CSMD3: variants seen among roughly 807,000 people sequenced by gnomAD.
The protein encoded by CSMD3 is CUB and Sushi multiple domains 3.
A neutral mutation model predicts 435.2 loss-of-function variants in CSMD3; 177 were observed. The observed-to-expected ratio is 0.41, with a 90% CI of 0.36 to 0.46. The LOEUF (loss-of-function observed/expected upper bound fraction) is 0.46. Ranked by LOEUF, CSMD3 falls within the 20% of genes least tolerant of loss-of-function variation. The pLI is 0.34. For missense variants in CSMD3, 4,265 were observed against 4,504.6 expected (o/e 0.95, Z 1.52); for synonymous variants, 1,656 against 1,520.5 (o/e 1.09, Z -2.07).
At chr8:113,132,518 G>T (rs58183305) in intron 4 of CSMD3, among the ~76,000 whole-genome samples, 1 of 151,960 alleles carries the variant, frequency 6.6e-6, no homozygotes, top group East Asian at 1.9e-4. Flanking sequence ...GCTCCACCAC[G>T]CTAAGATGTA....
intron 3 of CSMD3, among the ~76,000 whole-genome samples, chr8:113,184,220 G>T (rs772350048): frequency 1.3e-5 from 2 of 151,974 alleles, no homozygotes; most frequent in Non-Finnish European, 2.9e-5. Context: ...CTCCCTGGAA[G>T]TGCCACCCTT....
intron 10 of CSMD3, among the ~76,000 whole-genome samples, chr8:112,905,695 G>C (rs1214577380): frequency 1.3e-5 from 2 of 151,300 alleles, no homozygotes; most frequent in Admixed American, 1.3e-4. Context: ...TCCGATACTT[G>C]GTCCTATCCC....
At chr8:113,127,080 T>C (rs113883454) in intron 4 of CSMD3, among the ~76,000 whole-genome samples, 1 of 152,020 alleles carries the variant, frequency 6.6e-6, no homozygotes, top group African/African-American at 2.4e-5. Flanking sequence ...TACTAATATA[T>C]AAATTTATAT....
chr8:112,701,481 A>G (rs575377305), intron 13 of CSMD3, among the ~76,000 whole-genome samples: 2 of 152,122 alleles, frequency 1.3e-5, no homozygotes, highest in Admixed American at 1.3e-4. Flanking sequence ...CTATTGTCCC[A>G]TGATAATCGA....
chr8:113,085,500 C>A (rs2089730209), intron 5 of CSMD3, among the ~76,000 whole-genome samples: 1 of 152,058 alleles, frequency 6.6e-6, no homozygotes. Context: ...CAGCACTATT[C>A]ACAGTAACTA....
At chr8:112,513,479 G>A (rs953934517) in intron 28 of CSMD3, among the ~76,000 whole-genome samples, 2 of 152,102 alleles carry the variant, frequency 1.3e-5, no homozygotes, top group Non-Finnish European at 2.9e-5. Context: ...TCCTACATGG[G>A]CATTTGTTTG....
chr8:113,018,936 A>G (rs2086577425), intron 6 of CSMD3, 131 bp downstream of exon 6: 1 of 711,118 alleles, frequency 1.4e-6, no homozygotes, highest in Non-Finnish European at 2.6e-6. Flanking sequence ...TCTCAGCAAC[A>G]GCATGACCAT....
intron 59 of CSMD3, among the ~76,000 whole-genome samples, chr8:112,274,081 G>T (rs1734056253): frequency 6.6e-6 from 1 of 152,024 alleles, no homozygotes; most frequent in African/African-American, 2.4e-5. Flanking sequence ...GCTACGGTGG[G>T]ATAGTGTTAA....
intron 6 of CSMD3, among the ~76,000 whole-genome samples, chr8:112,977,882 T>A (rs2084912077): frequency 6.6e-6 from 1 of 152,042 alleles, no homozygotes; most frequent in Non-Finnish European, 1.5e-5. Context: ...AGCTAATATT[T>A]GATAATAATT....
chr8:112,975,841 A>C lies in CSMD3; in HGVS notation c.1338T>G (p.His446Gln), dbSNP rs753839259. ...ERTKELAVVT[H>Q]RVKKAIDFKS... ...AAGTAAAATAACATCCAATACCTCT[A>C]TGAGTAACAACTGCAAGCTCTTTAG... The change falls in exon 7 of 71, where the codon CAT becomes CAG. Residue 446 changes from histidine (H) to glutamine (Q), a missense_variant. Coordinates refer to ENST00000297405, the MANE Select transcript of CSMD3 (RefSeq NM_198123.2). The C allele has an allele frequency of 6.8e-6, 11 of 1,612,946 alleles. No individual in the cohort carries two copies. In the South Asian group the frequency reaches 1.2e-4, roughly 18 times the overall value.
In CSMD3 at chr8:112,224,853, A is replaced by G. The variant is rs752962719; in HGVS notation, c.11042T>C (p.Met3681Thr). The G allele has an allele frequency of 8.7e-6, 14 of 1,613,966 alleles. No individual in the cohort carries two copies. The highest frequency in any genetic ancestry group is 2.7e-5 in the African/African-American group (2 of 74,922). The change falls in exon 71 of 71, where the codon ATG becomes ACG. Residue 3681 changes from methionine to threonine, a missense_variant. Physicochemically the swap from Met to Thr is moderately conservative, Grantham distance 81 (BLOSUM62 -1). Coordinates refer to ENST00000297405, the MANE Select transcript of CSMD3 (RefSeq NM_198123.2). ...CACTGACTTTGCGTTGGTGTCATAC[A>G]TGGGATTTTCAAAAGCTGCTTGGCC... ...NNGQAAFENP[M>T]YDTNAKSVEG...
chr8:112,278,905 T>C (rs1036896779), intron 59 of CSMD3, among the ~76,000 whole-genome samples: 2 of 151,974 alleles, frequency 1.3e-5, no homozygotes, highest in African/African-American at 2.4e-5. Context: ...ACCCCCAACA[T>C]TTAAAATAAT....
At chr8:112,524,173 C>A (rs762608529) in intron 27 of CSMD3, among the ~76,000 whole-genome samples, 1 of 151,848 alleles carries the variant, frequency 6.6e-6, no homozygotes, top group Middle Eastern at 3.4e-3. Context: ...CATATCATAT[C>A]ATATACAGTC....
chr8:113,196,981 CTTGTT>C (rs2092663873), intron 3 of CSMD3, among the ~76,000 whole-genome samples: 1 of 150,908 alleles, frequency 6.6e-6, no homozygotes, highest in Admixed American at 6.6e-5. Flanking sequence ...AATTTTCTTA[CTTGTT>C]TTATTAAGGC....
intron 13 of CSMD3, among the ~76,000 whole-genome samples, chr8:112,747,852 A>G (rs2077471256): frequency 6.6e-6 from 1 of 151,312 alleles, no homozygotes; most frequent in African/African-American, 2.4e-5. Flanking sequence ...AGTCCCAGCT[A>G]CTCGGGAGGC....
intron 35 of CSMD3, among the ~76,000 whole-genome samples, chr8:112,396,003 T>C (rs1830829549): frequency 6.6e-6 from 1 of 152,210 alleles, no homozygotes; most frequent in Non-Finnish European, 1.5e-5. Context: ...AGTTTGTGAA[T>C]CTTCTAATTT....
At chr8:113,165,761 A>C (rs189635485) in intron 4 of CSMD3, among the ~76,000 whole-genome samples, 2 of 152,254 alleles carry the variant, frequency 1.3e-5, no homozygotes, top group East Asian at 3.9e-4. Context: ...GGAATAAAAA[A>C]CTTGAACAAT....
intron 35 of CSMD3, among the ~76,000 whole-genome samples, 197 bp downstream of exon 35, chr8:112,406,327 A>AT (rs944556850): frequency 2.6e-5 from 4 of 152,022 alleles, no homozygotes; most frequent in Non-Finnish European, 5.9e-5. Context: ...TTCAACACAA[A>AT]TTTTTTTATT....
chr8:113,108,855 G>A (rs1180716686), intron 4 of CSMD3, among the ~76,000 whole-genome samples: 2 of 152,166 alleles, frequency 1.3e-5, no homozygotes, highest in Non-Finnish European at 2.9e-5. Context: ...AAATGAATAT[G>A]CTGTCTCCCA....
Sources: gnomAD v4.1 joint callset for allele counts (sites outside exome capture counted in the v4.1 genomes callset) on GRCh38, gnomAD v4.1.1 for gene constraint, MANE v1.5 for transcripts, NCBI Gene and HGNC (gene_info 2026-07-23, HGNC 2026-07-21) for gene names.